ADAM17: variants seen among roughly 807,000 people sequenced by gnomAD.
ADAM17 encodes disintegrin and metalloproteinase domain-containing protein 17.
In ADAM17, 39 loss-of-function variants were observed where a neutral mutation model predicts 96.7. That is an observed-to-expected ratio of 0.40 (90% CI 0.31 to 0.53). The LOEUF is 0.53. ADAM17 is among the 20% of genes least tolerant of loss of function. ADAM17 has a pLI of 0.44. For synonymous variants in ADAM17, 344 were observed against 359.2 expected, an observed-to-expected ratio of 0.96 and a Z score of 0.48; for missense variants, 777 against 1,013.2, an observed-to-expected ratio of 0.77 and a Z score of 3.17.
intron 12 of ADAM17, among the ~76,000 whole-genome samples, chr2:9,503,631 G>C (rs1663165851): frequency 6.6e-6 from 1 of 152,070 alleles, no homozygotes. Context: ...ACGAAGTCAG[G>C]AGTTCGAGAC....
chr2:9,490,146 C>T lies in ADAM17; in HGVS notation c.*31G>A, dbSNP rs371014633. 2 of 1,537,584 alleles carry T rather than the reference C, an allele frequency of 1.3e-6. No individual in the cohort carries two copies. Among genetic ancestry groups the T allele is most frequent in the Non-Finnish European group, 1.8e-6 (2 of 1,132,106 alleles). Reference sequence around the variant, plus strand: ...AGGTCAAATCTATAAAAATATTTTGCACACTTAAGTCAGAAGAGCTGAGAA... The same window carrying T: ...AGGTCAAATCTATAAAAATATTTTGTACACTTAAGTCAGAAGAGCTGAGAA... On this transcript the variant is annotated 3_prime_UTR_variant, in exon 19 of 19. Transcript: ENST00000310823.
At chr2:9,518,711 T>A (rs1470198334) in intron 8 of ADAM17, among the ~76,000 whole-genome samples, 4 of 152,196 alleles carry the variant, frequency 2.6e-5, no homozygotes, top group African/African-American at 9.7e-5. Flanking sequence ...TATATAAATA[T>A]ACACTTATAG....
At chr2:9,507,932 G>C (rs1275391821) in intron 11 of ADAM17, among the ~76,000 whole-genome samples, 5 of 152,076 alleles carry the variant, frequency 3.3e-5, no homozygotes, top group African/African-American at 1.2e-4. Flanking sequence ...GGCTGATCCT[G>C]AACTCCTAGG....
At chr2:9,549,617 T>A (rs529868804) in intron 1 of ADAM17, among the ~76,000 whole-genome samples, 15 of 152,142 alleles carry the variant, frequency 9.9e-5, no homozygotes, top group African/African-American at 3.6e-4. Flanking sequence ...AGCCTCAACC[T>A]CCTGGGCATG....
At chr2:9,490,579 G>T in intron 18 of ADAM17, 61 bp from the exon 19 acceptor site, 1 of 1,476,536 alleles carries the variant, frequency 6.8e-7, no homozygotes, top group East Asian at 2.4e-5. Flanking sequence ...GGTCCTCACA[G>T]CTCCACCCTT....
chr2:9,553,395 C>T (rs1379186017), intron 1 of ADAM17, among the ~76,000 whole-genome samples: 2 of 151,552 alleles, frequency 1.3e-5, no homozygotes, highest in Non-Finnish European at 2.9e-5. Context: ...AAAAAGAGGC[C>T]GGGCCTGGTG....
chr2:9,513,806 C>T (rs1663876188), intron 10 of ADAM17, among the ~76,000 whole-genome samples: 1 of 151,888 alleles, frequency 6.6e-6, no homozygotes, highest in African/African-American at 2.4e-5. Flanking sequence ...AGACGGATCA[C>T]CTGAGAGCCA....
Position 9,518,086 on chromosome 2 carries a change from G to A in ADAM17, c.1102+17C>T. 1 of 1,577,182 alleles carries A rather than the reference G, an allele frequency of 6.3e-7. No homozygotes were observed. The highest frequency in any genetic ancestry group is 8.6e-7 in the Non-Finnish European group (1 of 1,165,258). ...TAATCCCAGCAGCATATTCACACAAGAAATGGAAAAACTTACCCTTTGGAC... is the reference window on the plus strand; with the variant it reads ...TAATCCCAGCAGCATATTCACACAAAAAATGGAAAAACTTACCCTTTGGAC... On this transcript the variant is annotated intron_variant, in intron 9 of 18. Transcript: ENST00000310823.
At chr2:9,532,753 G>A (rs1664800940) in intron 4 of ADAM17, among the ~76,000 whole-genome samples, 1 of 150,678 alleles carries the variant, frequency 6.6e-6, no homozygotes. Context: ...CTCCCAAAGT[G>A]CTGATTACAA....
At chr2:9,538,770 C>A (rs1043675684) in intron 2 of ADAM17, among the ~76,000 whole-genome samples, 3 of 152,238 alleles carry the variant, frequency 2.0e-5, no homozygotes, top group African/African-American at 7.2e-5. Flanking sequence ...GTCAAAATTT[C>A]TTTTACTTTA....
At chr2:9,543,774 T>C (rs931459430) in intron 1 of ADAM17, among the ~76,000 whole-genome samples, 1 of 152,114 alleles carries the variant, frequency 6.6e-6, no homozygotes, top group Non-Finnish European at 1.5e-5. Context: ...AGAAGGGAAG[T>C]GGGAGTGGTG....
chr2:9,499,102 T>C (rs73913117), intron 13 of ADAM17, among the ~76,000 whole-genome samples: 1,440 of 104,524 alleles, frequency 0.014, 23 homozygotes, highest in African/African-American at 0.062. Context: ...TTGCTTTTTT[T>C]CTTTCTTCTT....
At chr2:9,543,526 ATG>A (rs1331938770) in intron 1 of ADAM17, among the ~76,000 whole-genome samples, 1 of 152,238 alleles carries the variant, frequency 6.6e-6, no homozygotes, top group Non-Finnish European at 1.5e-5. Flanking sequence ...ATTTGCACTG[ATG>A]CCTTCCCTTT....
At chr2:9,548,073 CAAAA>C (rs111663328) in intron 1 of ADAM17, among the ~76,000 whole-genome samples, 1 of 124,192 alleles carries the variant, frequency 8.1e-6, no homozygotes, top group African/African-American at 3.0e-5. Context: ...TCTCAAAATC[CAAAA>C]AAAAAAAAAG....
chr2:9,488,597 C>T lies in ADAM17; in HGVS notation c.*1580G>A. On this transcript the variant is annotated 3_prime_UTR_variant, in exon 19 of 19. Coordinates refer to ENST00000310823, the MANE Select transcript of ADAM17 (RefSeq NM_003183.6). ...CAAAGACTATGTTTTTAAAAAGTCACAATTTTATAAAAATGGTTTTTCTTA... is the reference window on the plus strand; with the variant it reads ...CAAAGACTATGTTTTTAAAAAGTCATAATTTTATAAAAATGGTTTTTCTTA... The T allele has an allele frequency of 3.6e-6, 1 of 281,246 alleles. No homozygotes were observed. Among genetic ancestry groups the T allele is most frequent in the Middle Eastern group, 1.0e-3 (1 of 984 alleles). 17.4% of individuals were successfully genotyped at this position (281,246 alleles called of 1,614,324 possible).
In ADAM17 at chr2:9,526,164, G is replaced by A. The variant is rs1664516600; in HGVS notation, c.700C>T (p.Arg234Cys). 1 of 1,613,536 alleles carries A rather than the reference G, an allele frequency of 6.2e-7. No individual in the cohort carries two copies. The highest frequency in any genetic ancestry group is 2.2e-5 in the East Asian group (1 of 44,860). ...TCKLLVVADH[R>C]FYRYMGRGEE... ...CCTCTGCCCATGTATCTGTAGAAGC[G>A]ATGATCTGCTACCACCAATAATTTA... is the stretch of plus-strand genomic sequence containing the variant. Residue 234 changes from arginine to cysteine, a missense_variant, in exon 6 of 19, where the codon CGC (arginine) becomes TGC (cysteine). Physicochemically the swap from Arg to Cys is radical, Grantham distance 180. Transcript: ENST00000310823.
intron 14 of ADAM17, among the ~76,000 whole-genome samples, chr2:9,496,814 A>C (rs1354678299): frequency 6.6e-6 from 1 of 152,022 alleles, no homozygotes; most frequent in Non-Finnish European, 1.5e-5. Flanking sequence ...GCTAGGACAC[A>C]CCTCTACCTA....
At chr2:9,508,894 G>A (rs1398835667) in intron 11 of ADAM17, among the ~76,000 whole-genome samples, 1 of 152,030 alleles carries the variant, frequency 6.6e-6, no homozygotes, top group African/African-American at 2.4e-5. Context: ...AAGTTGTCAA[G>A]CAGAGGAAAA....
chr2:9,515,044 A>C (rs2125015051), intron 10 of ADAM17, among the ~76,000 whole-genome samples: 1 of 152,242 alleles, frequency 6.6e-6, no homozygotes, highest in Middle Eastern at 3.4e-3. Flanking sequence ...CAAAGTCCAC[A>C]GTTTATGTTA....
Sources: gnomAD v4.1 joint callset for allele counts (sites outside exome capture counted in the v4.1 genomes callset) on GRCh38, gnomAD v4.1.1 for gene constraint, MANE v1.5 for transcripts, NCBI Gene and HGNC (gene_info 2026-07-23, HGNC 2026-07-21) for gene names.